ERICH1: variants seen among roughly 807,000 people sequenced by gnomAD.
ERICH1 encodes the protein glutamate rich 1.
ERICH1 carries 56 observed loss-of-function variants against 39.6 expected under a neutral mutation model. The observed-to-expected ratio is 1.41, with a 90% confidence interval of 1.14 to 1.77. The LOEUF (loss-of-function observed/expected upper bound fraction) is 1.77. Ranked by LOEUF, ERICH1 falls within the 40% of genes most tolerant of loss-of-function variation. The pLI is 0.00. For synonymous variants in ERICH1, 313 were observed against 223.6 expected (o/e 1.40, Z -3.57); for missense variants, 826 against 575.4 (o/e 1.44, Z -4.45).
At chr8:672,451 A>C (rs1051044387) in intron 4 of ERICH1, among the ~76,000 whole-genome samples, 2 of 152,188 alleles carry the variant, frequency 1.3e-5, no homozygotes, top group African/African-American at 4.8e-5. Flanking sequence ...CCAAATTATT[A>C]CATAGCTGAT....
At chr8:726,994 C>T (rs545259490) in intron 1 of ERICH1, among the ~76,000 whole-genome samples, 227 of 132,240 alleles carry the variant, frequency 1.7e-3, no homozygotes, top group Non-Finnish European at 2.5e-3. Context: ...CATACACACA[C>T]GCACACCACA....
chr8:688,822 T>C (rs1205409251), intron 3 of ERICH1, among the ~76,000 whole-genome samples: 2 of 152,224 alleles, frequency 1.3e-5, no homozygotes, highest in Non-Finnish European at 2.9e-5. Flanking sequence ...GAAATCTCTC[T>C]CTTATCCAAC....
At chr8:697,816 G>C (rs1325384396) in intron 2 of ERICH1, among the ~76,000 whole-genome samples, 5 of 152,238 alleles carry the variant, frequency 3.3e-5, no homozygotes, top group Admixed American at 1.3e-4. Flanking sequence ...ACGTGGGTCT[G>C]AGAGACACAG....
intron 3 of ERICH1, among the ~76,000 whole-genome samples, chr8:639,039 T>C (rs1253013637): frequency 6.6e-6 from 1 of 152,112 alleles, no homozygotes; most frequent in East Asian, 1.9e-4. Context: ...GGAAGCCGTC[T>C]CTCAAGCAGG....
At chr8:686,303 A>T (rs895987023) in intron 3 of ERICH1, among the ~76,000 whole-genome samples, 1 of 152,246 alleles carries the variant, frequency 6.6e-6, no homozygotes, top group African/African-American at 2.4e-5. Context: ...GTGTAAGGAT[A>T]CACCACTATC....
chr8:692,257 T>G (rs995913300), intron 3 of ERICH1, among the ~76,000 whole-genome samples: 7 of 152,204 alleles, frequency 4.6e-5, no homozygotes, highest in African/African-American at 1.7e-4. Context: ...TTCAATCTCC[T>G]CCATATGAAG....
chr8:660,236 C>G (rs530930443), downstream of ERICH1, among the ~76,000 whole-genome samples: 23 of 152,378 alleles, frequency 1.5e-4, no homozygotes, highest in Admixed American at 3.3e-4. Flanking sequence ...CTCATGTTCA[C>G]ACACACCTGG....
At chr8:651,777 T>C (rs1020939914) in intron 3 of ERICH1, among the ~76,000 whole-genome samples, 6 of 151,682 alleles carry the variant, frequency 4.0e-5, no homozygotes, top group Admixed American at 3.3e-4. Context: ...GGGGAGGGCA[T>C]CTGGTTTCCC....
intron 4 of ERICH1, among the ~76,000 whole-genome samples, chr8:671,102 C>G (rs1475237547): frequency 3.3e-5 from 5 of 151,938 alleles, no homozygotes; most frequent in African/African-American, 1.2e-4. Flanking sequence ...AATGTCTGTG[C>G]TCACTGGTCC....
chr8:662,343 G>T, downstream of ERICH1, among the ~76,000 whole-genome samples: 1 of 152,256 alleles, frequency 6.6e-6, no homozygotes, highest in East Asian at 1.9e-4. Context: ...TGCAAAGCAT[G>T]TGCTATTAAT....
chr8:720,006 G>A (rs1816925134), intron 1 of ERICH1, among the ~76,000 whole-genome samples: 1 of 152,018 alleles, frequency 6.6e-6, no homozygotes, highest in Non-Finnish European at 1.5e-5. Context: ...GCCTAGGCCT[G>A]GAACCAGCCC....
At chr8:672,854 G>A (rs1253401028) in intron 4 of ERICH1, among the ~76,000 whole-genome samples, 1 of 152,256 alleles carries the variant, frequency 6.6e-6, no homozygotes, top group Non-Finnish European at 1.5e-5. Flanking sequence ...GGCGCAAGCT[G>A]TGTTTCCTTC....
intron 1 of ERICH1, among the ~76,000 whole-genome samples, chr8:724,222 C>A (rs1818019861): frequency 6.6e-6 from 1 of 152,074 alleles, no homozygotes; most frequent in Non-Finnish European, 1.5e-5. Flanking sequence ...AAGAAGAAAG[C>A]CGGGCACCTG....
intron 3 of ERICH1, among the ~76,000 whole-genome samples, chr8:685,349 T>C (rs1563257219): frequency 1.3e-5 from 2 of 152,234 alleles, no homozygotes; most frequent in African/African-American, 4.8e-5. Flanking sequence ...ATCGCTGTTA[T>C]CCTGTTCTTT....
chr8:625,279 T>C (rs918031543), intron 3 of ERICH1, among the ~76,000 whole-genome samples: 1 of 152,122 alleles, frequency 6.6e-6, no homozygotes, highest in African/African-American at 2.4e-5. Context: ...ACTCAAACAA[T>C]GGAATAGTAG....
Position 668,786 on chromosome 8 carries a change from G to A in ERICH1, c.1070C>T (p.Ser357Phe). Residue 357 changes from serine (S) to phenylalanine (F), a missense_variant, in exon 5 of 6, where the codon TCC becomes TTC. Physicochemically the swap from Ser to Phe is radical, Grantham distance 155. Coordinates refer to ENST00000262109, the MANE Select transcript of ERICH1 (RefSeq NM_207332.3). ...TQEMYFYDGV[S>F]RDAASAALAD... ...GAGGGCAGCTGAAGCTGCATCTCTG[G>A]AGACACCTACATAAAGTCAGTTTTG... 1.2e-6 allele frequency: 2 copies of A among 1,603,618 alleles called. No individual in the cohort carries two copies. Among genetic ancestry groups the A allele is most frequent in the Non-Finnish European group, 1.7e-6 (2 of 1,175,044 alleles).
At chr8:635,662 G>A (rs975008048) in intron 3 of ERICH1, among the ~76,000 whole-genome samples, 2 of 152,216 alleles carry the variant, frequency 1.3e-5, no homozygotes, top group African/African-American at 4.8e-5. Context: ...GCACCCTCAC[G>A]CTCACCTGTC....
intron 1 of ERICH1, among the ~76,000 whole-genome samples, chr8:728,681 G>A (rs1819348729): frequency 6.6e-6 from 1 of 152,232 alleles, no homozygotes; most frequent in Non-Finnish European, 1.5e-5. Flanking sequence ...TAGGAGAGCA[G>A]TTCATGGTCG....
chr8:685,426 G>A (rs375895304), intron 3 of ERICH1, among the ~76,000 whole-genome samples: 2 of 152,218 alleles, frequency 1.3e-5, no homozygotes, highest in Non-Finnish European at 1.5e-5. Flanking sequence ...TGCAGTTAAC[G>A]CAACCATCAC....
Sources: allele counts gnomAD v4.1 joint callset (sites outside exome capture counted in the v4.1 genomes callset), GRCh38; gene constraint gnomAD v4.1.1; transcripts MANE v1.5; gene names NCBI Gene and HGNC (gene_info 2026-07-23, HGNC 2026-07-21).